Variants in HAT1 observed in about 807,000 individuals in gnomAD.
The protein encoded by HAT1 is histone acetyltransferase type B catalytic subunit.
Under a neutral mutation model 56.6 loss-of-function variants are expected in HAT1, and 20 were observed. The observed-to-expected ratio is 0.35, with a 90% CI of 0.25 to 0.51. The LOEUF (loss-of-function observed/expected upper bound fraction) is 0.51. Among genes scored for constraint, HAT1 ranks in the 20% least tolerant of loss-of-function variants. The pLI, the probability that HAT1 is intolerant of heterozygous loss-of-function variation, is 0.95. For synonymous variants in HAT1, 146 were observed against 165.5 expected (o/e 0.88, Z 0.91); for missense variants, 408 against 504.3 (o/e 0.81, Z 1.83).
At chr2:171,972,735 A>G (rs979616537) in intron 8 of HAT1, among the ~76,000 whole-genome samples, 7 of 152,242 alleles carry the variant, frequency 4.6e-5, no homozygotes, top group African/African-American at 1.7e-4. Flanking sequence ...TATATAGTCC[A>G]TGCTTACTTC....
chr2:171,966,744 C>A, intron 7 of HAT1, 99 bp from the exon 8 acceptor site: 1 of 659,572 alleles, frequency 1.5e-6, no homozygotes, highest in South Asian at 2.0e-5. Context: ...AAAAAAAGAT[C>A]ACACAAACTT....
At chr2:171,933,401 T>C (rs556742897) in intron 2 of HAT1, among the ~76,000 whole-genome samples, 1 of 152,250 alleles carries the variant, frequency 6.6e-6, no homozygotes, top group Admixed American at 6.5e-5. Context: ...AGTAGATGTG[T>C]ATATAATTAA....
At chr2:171,968,584 C>A (rs1258709611) in intron 8 of HAT1, among the ~76,000 whole-genome samples, 1 of 152,166 alleles carries the variant, frequency 6.6e-6, no homozygotes, top group African/African-American at 2.4e-5. Context: ...TCATTAGAAA[C>A]TGAAGTCTCT....
intron 2 of HAT1, among the ~76,000 whole-genome samples, chr2:171,944,323 A>G (rs181072969): frequency 5.3e-5 from 8 of 152,322 alleles, no homozygotes; most frequent in African/African-American, 1.9e-4. Flanking sequence ...AGATAAATGT[A>G]CATTCTGGAT....
At chr2:171,969,197 C>T (rs943523258) in intron 8 of HAT1, among the ~76,000 whole-genome samples, 17 of 152,120 alleles carry the variant, frequency 1.1e-4, no homozygotes, top group African/African-American at 3.9e-4. Flanking sequence ...AAAGGAGTTG[C>T]ATTTGGCAAT....
At chr2:171,940,610 A>G (rs1686996775) in intron 2 of HAT1, among the ~76,000 whole-genome samples, 1 of 152,194 alleles carries the variant, frequency 6.6e-6, no homozygotes. Context: ...GTGGCCTTCA[A>G]TAAATTGCTT....
Position 171,946,757 on chromosome 2 carries a change from G to A in HAT1, c.162G>A (p.Glu54=). Residue 54 remains glutamate (E), a synonymous_variant, in exon 3 of 11, where the codon GAG becomes GAA. Transcript: ENST00000264108. ...ATGACATTAGAACTTTCTTTCCTGA[G>A]TATACCCATCAACTCTTTGGGGATG... ...LENDIRTFFP[E]YTHQLFGDDE... 5 of 1,570,752 alleles carry A rather than the reference G, an allele frequency of 3.2e-6. No individual in the cohort carries two copies. Among genetic ancestry groups the A allele is most frequent in the Non-Finnish European group, 4.4e-6 (5 of 1,147,510 alleles).
At chr2:171,938,537 G>A (rs1275842227) in intron 2 of HAT1, among the ~76,000 whole-genome samples, 1 of 152,136 alleles carries the variant, frequency 6.6e-6, no homozygotes, top group Admixed American at 6.6e-5. Flanking sequence ...ATCTGGGGGT[G>A]ATGGATACAG....
chr2:171,942,110 G>T (rs1044652989), intron 2 of HAT1, among the ~76,000 whole-genome samples: 1 of 152,124 alleles, frequency 6.6e-6, no homozygotes, highest in East Asian at 1.9e-4. Flanking sequence ...TCACCATGTT[G>T]GCCAGGCTGG....
chr2:171,933,409 T>C (rs1686792170), intron 2 of HAT1, among the ~76,000 whole-genome samples: 1 of 152,116 alleles, frequency 6.6e-6, no homozygotes. Context: ...TGTATATAAT[T>C]AACTTTAAAC....
chr2:171,927,340 T>G (rs60706248), intron 2 of HAT1, among the ~76,000 whole-genome samples: 28,045 of 152,166 alleles, frequency 0.18, 3,775 homozygotes, highest in African/African-American at 0.37. Flanking sequence ...AAAGATTAAA[T>G]ATGGAGTTAA....
At chr2:171,977,551 A>ATTTTTTT (rs1688013752) in intron 9 of HAT1, among the ~76,000 whole-genome samples, 3 of 13,428 alleles carry the variant, frequency 2.2e-4, no homozygotes, top group Admixed American at 1.5e-3. Flanking sequence ...ATATATATAT[A>ATTTTTTT]TATATATTTT....
intron 4 of HAT1, among the ~76,000 whole-genome samples, chr2:171,955,873 C>T (rs759599098): frequency 1.3e-5 from 2 of 151,606 alleles, no homozygotes; most frequent in African/African-American, 2.4e-5. Flanking sequence ...AGTGAAACCC[C>T]GTCTCTACTA....
chr2:171,965,320 A>C lies in HAT1; in HGVS notation c.310-18A>C. The C allele has an allele frequency of 4.1e-6, 6 of 1,460,450 alleles. No homozygotes were observed. The highest frequency in any genetic ancestry group is 5.6e-6 in the Non-Finnish European group (6 of 1,062,950). The allele number at this position is 1,460,450 out of a possible 1,614,324, so 90.5% of individuals were successfully genotyped here. ...AAGTCGAATTTGTTATTAATTTTTT[A>C]TATCCTTTATTCTTTAGGCAGATGA... On this transcript the variant is annotated intron_variant, in intron 4 of 10. Transcript: ENST00000264108.
rs151111506 is a variant in HAT1 at position 171,965,299 on chromosome 2, C to A, written c.310-39C>A. 8.8e-4 allele frequency: 1,067 copies of A among 1,215,452 alleles called. 9 individuals carry two copies. The Middle Eastern group carries it at 0.018, about 21-fold the overall frequency. The allele number at this position is 1,215,452 out of a possible 1,614,324, so 75.3% of individuals were successfully genotyped here. A position where few individuals can be genotyped will look rare whatever the true frequency, so the allele number is the denominator to read the frequency against. ...AAATAAACCATATTCAACTTAAAGT[C>A]GAATTTGTTATTAATTTTTTATATC... On this transcript the variant is annotated intron_variant, in intron 4 of 10. Coordinates refer to ENST00000264108, the MANE Select transcript of HAT1 (RefSeq NM_003642.4).
chr2:171,973,117 C>T (rs1269241342), intron 8 of HAT1, among the ~76,000 whole-genome samples: 1 of 152,096 alleles, frequency 6.6e-6, no homozygotes, highest in African/African-American at 2.4e-5. Flanking sequence ...CTTGCAGCCT[C>T]CATTCTCCAC....
At chr2:171,983,119 A>C in intron 10 of HAT1, 66 bp from the exon 11 acceptor site, 2 of 949,012 alleles carry the variant, frequency 2.1e-6, no homozygotes, top group Non-Finnish European at 3.1e-6. Context: ...TGGAGACTTA[A>C]AATTGTAAGA....
chr2:171,968,715 C>T (rs1224818419), intron 8 of HAT1, among the ~76,000 whole-genome samples: 3 of 152,210 alleles, frequency 2.0e-5, no homozygotes, highest in South Asian at 4.1e-4. Context: ...ATCAGCTGTT[C>T]TCATTAAGAT....
Position 171,966,414 on chromosome 2 carries a change from A to C in HAT1, c.617A>C (p.Glu206Ala). ...GCTTTCTGTTTTATCTGCAGATTTGAGAAGTATAATAAGGATGGAGCTACG... is the reference window on the plus strand; with the variant it reads ...GCTTTCTGTTTTATCTGCAGATTTGCGAAGTATAATAAGGATGGAGCTACG... ...DERWHYFLVF[E>A]KYNKDGATLF... Residue 206 changes from glutamate to alanine, a missense_variant, in exon 7 of 11, where the codon GAG (glutamate) becomes GCG (alanine). Glu to Ala is a moderately radical substitution (Grantham distance 107, BLOSUM62 -1). Transcript: ENST00000264108. The C allele has an allele frequency of 6.5e-7, 1 of 1,527,984 alleles. No homozygotes were observed. The highest frequency in any genetic ancestry group is 9.1e-7 in the Non-Finnish European group (1 of 1,101,340). 94.7% of individuals were successfully genotyped at this position (1,527,984 alleles called of 1,614,324 possible).
Sources: gnomAD v4.1 joint callset for allele counts (sites outside exome capture counted in the v4.1 genomes callset) on GRCh38, gnomAD v4.1.1 for gene constraint, MANE v1.5 for transcripts, NCBI Gene and HGNC (gene_info 2026-07-23, HGNC 2026-07-21) for gene names.